Variants in WDR49 observed in about 807,000 individuals in gnomAD.
WDR49 encodes WD repeat domain 49, also known as cilia- and flagella-associated protein 337.
Under a neutral mutation model 119.5 loss-of-function variants are expected in WDR49, and 107 were observed. The ratio of observed to expected loss-of-function variants is 0.90; its 90% CI spans 0.77 to 1.05. The LOEUF (loss-of-function observed/expected upper bound fraction) is 1.05. Among genes scored for constraint, WDR49 ranks in the 50% least tolerant of loss-of-function variants. The pLI, the probability that WDR49 is intolerant of heterozygous loss-of-function variation, is 0.00. For synonymous variants in WDR49, 425 were observed against 418.8 expected (o/e 1.01, Z -0.18); for missense variants, 1,240 against 1,220.5 (o/e 1.02, Z -0.24).
chr3:167,563,266 A>C (rs1713380440), intron 8 of WDR49, among the ~76,000 whole-genome samples: 1 of 149,568 alleles, frequency 6.7e-6, no homozygotes, highest in Non-Finnish European at 1.5e-5. Context: ...AGGCAGGAGA[A>C]GGGCGTGAAC....
Position 167,505,356 on chromosome 3 carries a change from C to T in WDR49, c.2835G>A (p.Met945Ile). ...CATAATAAGGTTTTTGTGTTTCTTTCATGCAGGTACTTCTTTCCTTATATT... is the reference window on the plus strand; with the variant it reads ...CATAATAAGGTTTTTGTGTTTCTTTTATGCAGGTACTTCTTTCCTTATATT... Reference protein sequence around the residue: ...DIKYKERSTCMKETQKPYYGE... With the variant: ...DIKYKERSTCIKETQKPYYGE... The change falls in exon 17 of 19, where the codon ATG becomes ATA. Residue 945 changes from methionine (M) to isoleucine (I), a missense_variant. Coordinates refer to ENST00000682715, the MANE Select transcript of WDR49 (RefSeq NM_001366157.1). 6.5e-7 allele frequency: 1 copy of T among 1,533,442 alleles called. No homozygotes were observed. Among genetic ancestry groups the T allele is most frequent in the Non-Finnish European group, 8.7e-7 (1 of 1,148,538 alleles). The allele number at this position is 1,533,442 out of a possible 1,614,324, so 95.0% of individuals were successfully genotyped here.
At chr3:167,480,247 TAAAA>T (rs1162973369) in intron 18 of WDR49, among the ~76,000 whole-genome samples, 4 of 55,094 alleles carry the variant, frequency 7.3e-5, no homozygotes, top group East Asian at 1.2e-3. Flanking sequence ...AGACTCTGTC[TAAAA>T]AAAAAAAAAA....
intron 15 of WDR49, among the ~76,000 whole-genome samples, chr3:167,527,173 A>G (rs576464812): frequency 6.6e-6 from 1 of 152,224 alleles, no homozygotes; most frequent in Non-Finnish European, 1.5e-5. Context: ...ACAAAACTCT[A>G]CCACGATTAG....
chr3:167,636,075 T>C (rs992979408), intron 2 of WDR49, among the ~76,000 whole-genome samples: 41 of 151,806 alleles, frequency 2.7e-4, no homozygotes, highest in African/African-American at 9.4e-4. Context: ...CTGAGCAATA[T>C]ACACTGAACC....
intron 10 of WDR49, among the ~76,000 whole-genome samples, chr3:167,549,761 C>A (rs944021615): frequency 3.9e-5 from 6 of 152,114 alleles, no homozygotes; most frequent in Admixed American, 1.3e-4. Flanking sequence ...GTCATGAAGT[C>A]CTTGCTCATG....
In WDR49 at chr3:167,620,493, A is replaced by G; in HGVS notation, c.894T>C (p.Ser298=). Residue 298 remains serine (S), a synonymous_variant, in exon 5 of 19, where the codon TCT becomes TCC. Transcript: ENST00000682715. The part of the protein sequence containing the change: ...TMTINWAELL[S]GCHKCCHILE... ...ATATATGGCAACATTTGTGACATCC[A>G]GAGAGCAGCTCTGCCCAGTTAATGG... The G allele has an allele frequency of 2.0e-6, 3 of 1,536,178 alleles. No individual in the cohort carries two copies. The highest frequency in any genetic ancestry group is 2.6e-6 in the Non-Finnish European group (3 of 1,146,770).
chr3:167,591,813 T>C (rs947582881), intron 7 of WDR49, among the ~76,000 whole-genome samples: 1 of 152,084 alleles, frequency 6.6e-6, no homozygotes, highest in African/African-American at 2.4e-5. Context: ...TTGTAGGCAA[T>C]AGATAATTGG....
chr3:167,593,994 A>C (rs143134213), intron 7 of WDR49, among the ~76,000 whole-genome samples: 37 of 152,254 alleles, frequency 2.4e-4, no homozygotes, highest in Non-Finnish European at 4.1e-4. Context: ...CCATGATTTT[A>C]GTTTCCTGAA....
At chr3:167,627,509 G>C (rs1717185796) in intron 2 of WDR49, among the ~76,000 whole-genome samples, 1 of 152,074 alleles carries the variant, frequency 6.6e-6, no homozygotes, top group South Asian at 2.1e-4. Context: ...ATCACAAAAA[G>C]TCAATCACAA....
intron 18 of WDR49, among the ~76,000 whole-genome samples, chr3:167,497,845 A>G (rs1205149392): frequency 2.6e-5 from 4 of 151,122 alleles, no homozygotes; most frequent in Admixed American, 2.6e-4. Flanking sequence ...GTGGCTCACA[A>G]AGACAAGATA....
chr3:167,514,355 C>T (rs563587186), intron 16 of WDR49, among the ~76,000 whole-genome samples: 1 of 151,878 alleles, frequency 6.6e-6, no homozygotes, highest in East Asian at 1.9e-4. Flanking sequence ...TTGAATGACT[C>T]CTGGGTAAGT....
At chr3:167,483,378 A>C (rs139508216) in intron 18 of WDR49, among the ~76,000 whole-genome samples, 18 of 152,332 alleles carry the variant, frequency 1.2e-4, no homozygotes, top group African/African-American at 7.2e-5. Context: ...ACTAGACGAC[A>C]AATTTTCATT....
At chr3:167,505,801 G>T (rs938516332) in intron 16 of WDR49, among the ~76,000 whole-genome samples, 1 of 152,182 alleles carries the variant, frequency 6.6e-6, no homozygotes, top group Non-Finnish European at 1.5e-5. Flanking sequence ...TATTTATTCA[G>T]TGTTAGGCGT....
At chr3:167,538,004 T>C (rs1711565853) in intron 10 of WDR49, among the ~76,000 whole-genome samples, 1 of 152,212 alleles carries the variant, frequency 6.6e-6, no homozygotes, top group East Asian at 1.9e-4. Flanking sequence ...TTCCCCACTC[T>C]TTATTTTCTA....
intron 10 of WDR49, among the ~76,000 whole-genome samples, chr3:167,543,155 T>A (rs899423191): frequency 9.3e-5 from 14 of 150,666 alleles, no homozygotes; most frequent in African/African-American, 3.4e-4. Flanking sequence ...AAAAAAAAAA[T>A]GCCAACAAAA....
intron 10 of WDR49, among the ~76,000 whole-genome samples, chr3:167,541,290 G>A (rs1339100609): frequency 6.6e-6 from 1 of 152,086 alleles, no homozygotes; most frequent in African/African-American, 2.4e-5. Context: ...AATCTTGAGG[G>A]CTAAGAAGCA....
At chr3:167,496,593 T>C (rs972848262) in intron 18 of WDR49, among the ~76,000 whole-genome samples, 8 of 152,164 alleles carry the variant, frequency 5.3e-5, no homozygotes, top group South Asian at 2.1e-4. Flanking sequence ...ATCTCTACCA[T>C]AGCCCTCGTT....
chr3:167,566,908 A>G (rs1288190418), intron 8 of WDR49: 1 of 671,158 alleles, frequency 1.5e-6, no homozygotes, highest in Non-Finnish European at 2.7e-6. Context: ...AGGAGGAGGA[A>G]AAGAAAGGGT....
At chr3:167,572,071 CT>C (rs1713967686) in intron 8 of WDR49, among the ~76,000 whole-genome samples, 1 of 152,024 alleles carries the variant, frequency 6.6e-6, no homozygotes, top group African/African-American at 2.4e-5. Flanking sequence ...CTTTTGTTTT[CT>C]TGTAAAAAGC....
Sources: allele counts gnomAD v4.1 joint callset (sites outside exome capture counted in the v4.1 genomes callset), GRCh38; gene constraint gnomAD v4.1.1; transcripts MANE v1.5; gene names NCBI Gene and HGNC (gene_info 2026-07-23, HGNC 2026-07-21).